Variants in CFAP44 observed in about 807,000 individuals in gnomAD.
CFAP44 encodes cilia- and flagella-associated protein 44.
A neutral mutation model predicts 216.2 loss-of-function variants in CFAP44; 134 were observed. The observed-to-expected ratio is 0.62, with a 90% CI of 0.54 to 0.72. CFAP44 has a LOEUF of 0.72. CFAP44 is among the 30% of genes least tolerant of loss of function. The pLI is 0.00. For missense variants in CFAP44, 2,035 were observed against 2,182.1 expected (o/e 0.93, Z 1.34); for synonymous variants, 700 against 727.6 (o/e 0.96, Z 0.61).
intron 7 of CFAP44, among the ~76,000 whole-genome samples, chr3:113,408,029 A>C (rs1934336097): frequency 6.6e-6 from 1 of 152,206 alleles, no homozygotes; most frequent in South Asian, 2.1e-4. Context: ...TATAGCTAGC[A>C]GAAGGTTATT....
chr3:113,380,033 A>T (rs926526535), intron 16 of CFAP44, among the ~76,000 whole-genome samples: 13 of 152,182 alleles, frequency 8.5e-5, no homozygotes, highest in African/African-American at 1.9e-4. Flanking sequence ...TTATTTTTTT[A>T]AATTTTATTT....
chr3:113,395,525 C>A (rs1933965601), intron 15 of CFAP44, among the ~76,000 whole-genome samples: 1 of 152,020 alleles, frequency 6.6e-6, no homozygotes, highest in Non-Finnish European at 1.5e-5. Context: ...ACTAATAAGC[C>A]CACGGAAGAG....
chr3:113,396,408 T>C (rs1458019442), intron 14 of CFAP44, 110 bp downstream of exon 14: 3 of 1,209,138 alleles, frequency 2.5e-6, no homozygotes, highest in East Asian at 5.0e-5. Flanking sequence ...AATGTGAATA[T>C]ATTGATAGAA....
intron 21 of CFAP44, among the ~76,000 whole-genome samples, chr3:113,362,607 C>G (rs1346385752): frequency 6.6e-6 from 1 of 152,178 alleles, no homozygotes; most frequent in Non-Finnish European, 1.5e-5. Context: ...CTGGTAAGAT[C>G]CATAGTTAAC....
At chr3:113,309,765 A>C (rs1437872288) in intron 28 of CFAP44, among the ~76,000 whole-genome samples, 1 of 152,240 alleles carries the variant, frequency 6.6e-6, no homozygotes, top group Non-Finnish European at 1.5e-5. Flanking sequence ...TATGCACCTT[A>C]GAACCTGAGG....
Position 113,409,908 on chromosome 3 carries a change from T to C in CFAP44, c.674-586A>G, listed in dbSNP as rs115240204. ...GTTAAGGATACTCCCACCAGCACCATGACAGTTTATAAATACCATGGCCAC... is the reference window on the plus strand; with the variant it reads ...GTTAAGGATACTCCCACCAGCACCACGACAGTTTATAAATACCATGGCCAC... On this transcript the variant is annotated intron_variant, in intron 6 of 34. Transcript: ENST00000393845. 8.6e-3 allele frequency among the ~76,000 whole-genome samples: 1,309 copies of C among 152,320 alleles called. 21 individuals are homozygous for C. Among genetic ancestry groups the C allele is most frequent in the African/African-American group, 0.03 (1,251 of 41,584 alleles).
intron 4 of CFAP44, among the ~76,000 whole-genome samples, chr3:113,423,001 T>A (rs886387075): frequency 6.6e-6 from 1 of 152,032 alleles, no homozygotes; most frequent in African/African-American, 2.4e-5. Flanking sequence ...CATCTCTATT[T>A]CCCAGAATGC....
chr3:113,388,458 A>G (rs1933709265), intron 15 of CFAP44, among the ~76,000 whole-genome samples: 1 of 152,226 alleles, frequency 6.6e-6, no homozygotes, highest in Admixed American at 6.5e-5. Context: ...TAAAACGTAG[A>G]TAAGAAGGAA....
Position 113,324,713 on chromosome 3 carries a change from C to T in CFAP44, c.4516+1732G>A, listed in dbSNP as rs566992920. On this transcript the variant is annotated intron_variant, in intron 28 of 34. Coordinates refer to ENST00000393845, the MANE Select transcript of CFAP44 (RefSeq NM_001164496.2). ...CAGCACTCACATAGTACTGGATGTT[C>T]TAGCCATGCAATAAGGCCAGAAAAT... 3.3e-5 allele frequency among the ~76,000 whole-genome samples: 5 copies of T among 152,208 alleles called. No individual in the cohort carries two copies. In the East Asian group the frequency reaches 9.6e-4, roughly 29 times the overall value.
chr3:113,409,306 T>C lies in CFAP44; in HGVS notation c.690A>G (p.Gly230=), dbSNP rs1478485773. The change falls in exon 7 of 35, where the codon GGA becomes GGG. Residue 230 remains glycine (G), a synonymous_variant. Transcript: ENST00000393845. ...YRVLRDGTEK[G]YAYVDFNYSG... is the part of the protein sequence containing the mutation. Reference sequence around the variant, plus strand: ...TGTAGTTAAAGTCCACATAAGCATATCCCTTCTCAGTCCCATCTGGAAGGA... The same window carrying C: ...TGTAGTTAAAGTCCACATAAGCATACCCCTTCTCAGTCCCATCTGGAAGGA... 3 of 1,613,924 alleles carry C rather than the reference T, an allele frequency of 1.9e-6. No homozygotes were observed. The African/African-American group carries it at 4.0e-5, about 22-fold the overall frequency.
chr3:113,349,476 G>A (rs986770770), intron 22 of CFAP44, among the ~76,000 whole-genome samples: 4 of 152,170 alleles, frequency 2.6e-5, no homozygotes, highest in African/African-American at 4.8e-5. Context: ...GACAAACCTC[G>A]GTGGTTAGAG....
rs574237565 is a variant in CFAP44, at chr3:113,291,392, C to T, written c.*165G>A. 2.6e-5 allele frequency: 21 copies of T among 806,536 alleles called. No homozygotes were observed. Among genetic ancestry groups the T allele is most frequent in the East Asian group, 2.2e-4 (8 of 36,756 alleles). 50.0% of individuals were successfully genotyped at this position (806,536 alleles called of 1,614,324 possible). Reference sequence around the variant, plus strand: ...GGTGCTGCAGTCAGTTCTAAGATAACCAAATTGTAGAGAGATTCTTAAAGT... The same window carrying T: ...GGTGCTGCAGTCAGTTCTAAGATAATCAAATTGTAGAGAGATTCTTAAAGT... On this transcript the variant is annotated 3_prime_UTR_variant, in exon 35 of 35. Coordinates refer to ENST00000393845, the MANE Select transcript of CFAP44 (RefSeq NM_001164496.2).
At chr3:113,372,590 G>A (rs1933205463) in intron 18 of CFAP44, among the ~76,000 whole-genome samples, 1 of 152,146 alleles carries the variant, frequency 6.6e-6, no homozygotes. Context: ...GGAGTGGGGG[G>A]CAGAGGGAGG....
intron 18 of CFAP44, among the ~76,000 whole-genome samples, chr3:113,368,271 C>A (rs146584274): frequency 0.044 from 6,649 of 152,048 alleles, 210 homozygotes; most frequent in Non-Finnish European, 0.071. Context: ...AAAGAGCAAC[C>A]CCAAGACACA....
chr3:113,394,296 A>G (rs755175745), intron 15 of CFAP44, among the ~76,000 whole-genome samples: 21 of 152,158 alleles, frequency 1.4e-4, no homozygotes, highest in Non-Finnish European at 2.8e-4. Context: ...CTACTTCTTT[A>G]ATGTCACACC....
intron 15 of CFAP44, among the ~76,000 whole-genome samples, chr3:113,382,816 G>A (rs1933549730): frequency 6.6e-6 from 1 of 152,212 alleles, no homozygotes; most frequent in Non-Finnish European, 1.5e-5. Flanking sequence ...GTTCCTGCCT[G>A]AGGGCTCCTG....
At chr3:113,312,441 T>A (rs912979608) in intron 28 of CFAP44, among the ~76,000 whole-genome samples, 1 of 152,020 alleles carries the variant, frequency 6.6e-6, no homozygotes, top group Non-Finnish European at 1.5e-5. Flanking sequence ...ATTTGCAGCA[T>A]GACAATGTGA....
At chr3:113,379,749 C>T (rs868239069) in intron 16 of CFAP44, among the ~76,000 whole-genome samples, 198 bp from the exon 17 acceptor site, 4 of 151,630 alleles carry the variant, frequency 2.6e-5, no homozygotes, top group African/African-American at 9.7e-5. Context: ...TTTGTTTTAC[C>T]CCCATCAATC....
In CFAP44 at chr3:113,431,517, A is replaced by G. The variant is rs530816358; in HGVS notation, c.100+2048T>C. Among the ~76,000 whole-genome samples the G allele has an allele frequency of 2.6e-5, 4 of 152,286 alleles. No homozygotes were observed. In the South Asian group the frequency reaches 8.3e-4, roughly 32 times the overall value. On this transcript the variant is annotated intron_variant, in intron 2 of 34. Transcript: ENST00000393845. ...AAATGTAGGGAGTACAGAAACATGA[A>G]AAAGGAAAAACTAGGGGGGAACAAA...
Sources: gnomAD v4.1 joint callset for allele counts (sites outside exome capture counted in the v4.1 genomes callset) on GRCh38, gnomAD v4.1.1 for gene constraint, MANE v1.5 for transcripts, NCBI Gene and HGNC (gene_info 2026-07-23, HGNC 2026-07-21) for gene names.